The following PPM1G variants were observed in gnomAD, a reference collection of about 807,000 sequenced individuals.
The protein encoded by PPM1G is protein phosphatase, Mg2+/Mn2+ dependent 1G, also known as protein phosphatase 1G.
In PPM1G, 12 loss-of-function variants were observed where a neutral mutation model predicts 59.4. The observed-to-expected ratio is 0.20, with a 90% confidence interval of 0.13 to 0.33. PPM1G has a LOEUF of 0.33. PPM1G is among the 10% of genes least tolerant of loss of function. The probability of loss-of-function intolerance (pLI) is 1.00; values close to 1 mark genes in which losing one functional copy is unlikely to be tolerated. For synonymous variants in PPM1G, 245 were observed against 251.9 expected (o/e 0.97, Z 0.26); for missense variants, 392 against 681.3 (o/e 0.58, Z 4.73).
chr2:27,390,350 T>A (rs1181091160), intron 1 of PPM1G, among the ~76,000 whole-genome samples: 1 of 152,184 alleles, frequency 6.6e-6, no homozygotes, highest in Admixed American at 6.5e-5. Context: ...CTTCCTAGAT[T>A]AACATTTTTT....
intron 1 of PPM1G, among the ~76,000 whole-genome samples, chr2:27,389,869 T>C (rs1050378358): frequency 7.2e-5 from 11 of 152,038 alleles, no homozygotes; most frequent in African/African-American, 2.7e-4. Context: ...CTCGGAACAC[T>C]GAGGCAAGAG....
At position 27,383,204 on chromosome 2, in the gene PPM1G, C is replaced by T. The variant is rs995348125; in HGVS notation, c.1201+162G>A. 3.9e-5 allele frequency among the ~76,000 whole-genome samples: 6 copies of T among 152,132 alleles called. No homozygotes were observed. Among genetic ancestry groups the T allele is most frequent in the Non-Finnish European group, 7.4e-5 (5 of 68,016 alleles). ...ATAATGATACCTATGTATAATGATACCTCTACCCATCTTAGTTATTTCACA... is the reference window on the plus strand; with the variant it reads ...ATAATGATACCTATGTATAATGATATCTCTACCCATCTTAGTTATTTCACA... On this transcript the variant is annotated intron_variant, in intron 7 of 9. Transcript: ENST00000344034. The surrounding 1 kb of genome is among the most constrained non-coding windows in gnomAD (Gnocchi z 5.0).
Position 27,385,165 on chromosome 2 carries a change from C to G in PPM1G, c.410-77G>C. The G allele has an allele frequency of 5.4e-6, 8 of 1,476,092 alleles. No homozygotes were observed. Among genetic ancestry groups the G allele is most frequent in the Non-Finnish European group, 7.2e-6 (8 of 1,112,822 alleles). The allele number at this position is 1,476,092 out of a possible 1,614,324, so 91.4% of individuals were successfully genotyped here. Reference sequence around the variant, plus strand: ...CCGTCCCTCTCACTACCTCAACAGCCCTTGCAGCCTCTAACTTCCCCACAA... The same window carrying G: ...CCGTCCCTCTCACTACCTCAACAGCGCTTGCAGCCTCTAACTTCCCCACAA... On this transcript the variant is annotated intron_variant, in intron 4 of 9. Transcript: ENST00000344034. The surrounding 1 kb of genome is among the most constrained non-coding windows in gnomAD (Gnocchi z 4.1).
intron 1 of PPM1G, among the ~76,000 whole-genome samples, chr2:27,405,586 G>A (rs1035534797): frequency 4.6e-5 from 7 of 150,834 alleles, no homozygotes; most frequent in Non-Finnish European, 7.4e-5. Context: ...CAGTAGAGAC[G>A]GGGTTTCACC....
At chr2:27,389,190 T>C (rs1683839202) in intron 1 of PPM1G, among the ~76,000 whole-genome samples, 1 of 152,186 alleles carries the variant, frequency 6.6e-6, no homozygotes, top group Non-Finnish European at 1.5e-5. Context: ...GTTGTAATGA[T>C]GCAAAACACA....
In PPM1G at chr2:27,383,728, C is replaced by A. The variant is rs568686602; in HGVS notation, c.967-128G>T. ...AAAGAGCTTTAACAAACAGGAGAAGCACACATTTCATCTTTCTAGAGACAG... is the reference window on the plus strand; with the variant it reads ...AAAGAGCTTTAACAAACAGGAGAAGAACACATTTCATCTTTCTAGAGACAG... On this transcript the variant is annotated intron_variant, in intron 6 of 9. Coordinates refer to ENST00000344034, the MANE Select transcript of PPM1G (RefSeq NM_177983.3). This position sits in a 1 kb window ranked among gnomAD's most constrained non-coding sequence, Gnocchi z 5.0. The A allele has an allele frequency of 1.7e-6, 2 of 1,148,208 alleles. No homozygotes were observed. 71.1% of individuals were successfully genotyped at this position (1,148,208 alleles called of 1,614,324 possible). A position where few individuals can be genotyped will look rare whatever the true frequency, so the allele number is the denominator to read the frequency against.
At position 27,385,462 on chromosome 2, in the gene PPM1G, AG is replaced by A. The variant is rs1683740879; in HGVS notation, c.409+284del. 2.3e-6 allele frequency: 1 copy of A among 437,088 alleles called. No individual in the cohort carries two copies. Among genetic ancestry groups the A allele is most frequent in the Non-Finnish European group, 4.0e-6 (1 of 249,988 alleles). The allele number at this position is 437,088 out of a possible 1,614,324, so 27.1% of individuals were successfully genotyped here. A position where few individuals can be genotyped will look rare whatever the true frequency, so the allele number is the denominator to read the frequency against. On this transcript the variant is annotated intron_variant, in intron 4 of 9. Coordinates refer to ENST00000344034, the MANE Select transcript of PPM1G (RefSeq NM_177983.3). The surrounding 1 kb of genome is among the most constrained non-coding windows in gnomAD (Gnocchi z 4.1). ...GGGGCTAATAACTGCTCCAGTCTTGAGGGGAAAAAAAAGCACATAAATACTA... is the reference window on the plus strand; with the variant it reads ...GGGGCTAATAACTGCTCCAGTCTTGAGGGAAAAAAAAGCACATAAATACTA...
rs559474320 is a variant in PPM1G, at chr2:27,395,047, T to C, written c.121-7889A>G. Among the ~76,000 whole-genome samples, 14 of 151,968 alleles carry C rather than the reference T, an allele frequency of 9.2e-5. No individual in the cohort carries two copies. In the South Asian group the frequency reaches 1.0e-3, roughly 11 times the overall value. ...GAGTTTGAGATCAGCCTGACCAACA[T>C]GGTGAAACCCCGTTTCTACTAAAAA... is the stretch of plus-strand genomic sequence containing the variant. On this transcript the variant is annotated intron_variant, in intron 1 of 9. Transcript: ENST00000344034.
intron 1 of PPM1G, among the ~76,000 whole-genome samples, 159 bp from the exon 2 acceptor site, chr2:27,387,317 AAAG>A (rs1232693194): frequency 1.3e-5 from 2 of 152,338 alleles, no homozygotes; most frequent in East Asian, 1.9e-4. Flanking sequence ...CAGAGGAAGA[AAAG>A]AGGAGGGAGG....
In PPM1G at chr2:27,382,688, T is replaced by C; in HGVS notation, c.1202-83A>G. 8 of 1,532,012 alleles carry C rather than the reference T, an allele frequency of 5.2e-6. No individual in the cohort carries two copies. The South Asian group carries it at 9.4e-5, about 18-fold the overall frequency. 94.9% of individuals were successfully genotyped at this position (1,532,012 alleles called of 1,614,324 possible). A position where few individuals can be genotyped will look rare whatever the true frequency, so the allele number is the denominator to read the frequency against. The stretch of plus-strand genomic sequence containing the variant: ...TGGCAGGTCAAACCTTGCCATTCAT[T>C]TCCCTTCTTTACAAAGTTCCATAAT... On this transcript the variant is annotated intron_variant, in intron 7 of 9. Transcript: ENST00000344034. The surrounding 1 kb of genome is among the most constrained non-coding windows in gnomAD (Gnocchi z 4.2).
At chr2:27,406,558 G>A (rs1663365431) in intron 1 of PPM1G, among the ~76,000 whole-genome samples, 1 of 152,218 alleles carries the variant, frequency 6.6e-6, no homozygotes, top group South Asian at 2.1e-4. Flanking sequence ...TCAGGAGGAA[G>A]ATTAGGATGT....
chr2:27,397,364 C>A (rs1305346881), intron 1 of PPM1G, among the ~76,000 whole-genome samples: 1 of 152,132 alleles, frequency 6.6e-6, no homozygotes, highest in East Asian at 1.9e-4. Flanking sequence ...TACCCTGATT[C>A]TAAAACCAGA....
chr2:27,409,351 C>T lies in PPM1G; in HGVS notation c.72G>A (p.Pro24=). ...SGDGVGAPRL[P]LPYGFSAMQG... Reference sequence around the variant, plus strand: ...GCATGGCGGAGAAGCCGTAGGGCAGCGGCAGGCGCGGGGCGCCGACCCCGT... The same window carrying T: ...GCATGGCGGAGAAGCCGTAGGGCAGTGGCAGGCGCGGGGCGCCGACCCCGT... Residue 24 remains proline, a synonymous_variant, in exon 1 of 10, where the codon CCG becomes CCA. Coordinates refer to ENST00000344034, the MANE Select transcript of PPM1G (RefSeq NM_177983.3). 1 of 1,542,636 alleles carries T rather than the reference C, an allele frequency of 6.5e-7. No individual in the cohort carries two copies. The highest frequency in any genetic ancestry group is 1.4e-5 in the African/African-American group (1 of 71,806).
At chr2:27,392,702 G>A in intron 1 of PPM1G, 1 of 825,732 alleles carries the variant, frequency 1.2e-6, no homozygotes, top group Non-Finnish European at 2.1e-6. Context: ...TTATAGAAAA[G>A]GTAAAGGAAA....
At position 27,383,351 on chromosome 2, in the gene PPM1G, T is replaced by C. The variant is rs768939799; in HGVS notation, c.1201+15A>G. 3 of 1,609,016 alleles carry C rather than the reference T, an allele frequency of 1.9e-6. No individual in the cohort carries two copies. In the African/African-American group the frequency reaches 4.0e-5, roughly 22 times the overall value. ...GAAAGACCCTAGAAGTCTTTCCCAGTTTCTTGGCCCTTACCAATGGCTCTG... is the reference window on the plus strand; with the variant it reads ...GAAAGACCCTAGAAGTCTTTCCCAGCTTCTTGGCCCTTACCAATGGCTCTG... On this transcript the variant is annotated intron_variant, in intron 7 of 9. Coordinates refer to ENST00000344034, the MANE Select transcript of PPM1G (RefSeq NM_177983.3). The surrounding 1 kb of genome is among the most constrained non-coding windows in gnomAD (Gnocchi z 5.0).
At position 27,383,972 on chromosome 2, in the gene PPM1G, C is replaced by T; in HGVS notation, c.946G>A (p.Gly316Arg). Residue 316 changes from glycine (G) to arginine (R), a missense_variant, in exon 6 of 10, where the codon GGG becomes AGG. Coordinates refer to ENST00000344034, the MANE Select transcript of PPM1G (RefSeq NM_177983.3). The surrounding 1 kb of genome is among the most constrained non-coding windows in gnomAD (Gnocchi z 5.0). ...EEEEEEMMVP[G>R]MEGKEEPGSD... The stretch of plus-strand genomic sequence containing the variant: ...CACACCTCCTCTTTGCCTTCCATCC[C>T]TGGCACCATCATCTCTTCTTCTTCT... 3 of 1,555,000 alleles carry T rather than the reference C, an allele frequency of 1.9e-6. No individual in the cohort carries two copies. Among genetic ancestry groups the T allele is most frequent in the Non-Finnish European group, 2.6e-6 (3 of 1,148,494 alleles).
chr2:27,395,387 T>G (rs953565887), intron 1 of PPM1G, among the ~76,000 whole-genome samples: 2 of 151,108 alleles, frequency 1.3e-5, no homozygotes, highest in Non-Finnish European at 2.9e-5. Flanking sequence ...CAAAAATAAC[T>G]GGGTGTGGTG....
Position 27,385,485 on chromosome 2 carries a change from A to C in PPM1G, c.409+262T>G. 2.1e-6 allele frequency: 1 copy of C among 466,792 alleles called. No homozygotes were observed. The highest frequency in any genetic ancestry group is 3.7e-6 in the Non-Finnish European group (1 of 270,224). 28.9% of individuals were successfully genotyped at this position (466,792 alleles called of 1,614,324 possible). The stretch of plus-strand genomic sequence containing the variant: ...TGAGGGGAAAAAAAAGCACATAAAT[A>C]CTAGCAGGAACCAGGAAGACCCCAT... On this transcript the variant is annotated intron_variant, in intron 4 of 9. Transcript: ENST00000344034. The surrounding 1 kb of genome is among the most constrained non-coding windows in gnomAD (Gnocchi z 4.1).
At chr2:27,403,930 G>A (rs977288704) in intron 1 of PPM1G, among the ~76,000 whole-genome samples, 2 of 151,784 alleles carry the variant, frequency 1.3e-5, no homozygotes, top group East Asian at 3.9e-4. Context: ...AGTAAAAAGC[G>A]CTTTAAGCTA....
Sources: gnomAD v4.1 joint callset for allele counts (sites outside exome capture counted in the v4.1 genomes callset) on GRCh38, gnomAD v4.1.1 for gene constraint, Gnocchi (gnomAD v3.1) non-coding constraint, MANE v1.5 for transcripts, NCBI Gene and HGNC (gene_info 2026-07-23, HGNC 2026-07-21) for gene names.